The following HCK variants were observed in gnomAD, a reference collection of about 807,000 sequenced individuals.
HCK encodes tyrosine-protein kinase HCK.
HCK carries 40 observed loss-of-function variants against 70.4 expected under a neutral mutation model. The observed-to-expected ratio is 0.57, with a 90% CI of 0.44 to 0.74. The LOEUF (loss-of-function observed/expected upper bound fraction) is 0.74. HCK is among the 30% of genes least tolerant of loss of function. The probability of loss-of-function intolerance (pLI) is 0.00; values close to 1 mark genes in which losing one functional copy is unlikely to be tolerated. For missense variants in HCK, 568 were observed against 697.2 expected, an observed-to-expected ratio of 0.81 and a Z score of 2.09; for synonymous variants, 245 against 263.2, an observed-to-expected ratio of 0.93 and a Z score of 0.67.
chr20:32,059,581 T>C (rs2045336330), intron 1 of HCK, among the ~76,000 whole-genome samples: 1 of 151,922 alleles, frequency 6.6e-6, no homozygotes, highest in Non-Finnish European at 1.5e-5. Context: ...AGTGATGCTA[T>C]CATGGCTCAT....
At chr20:32,096,262 G>A (rs1439169573) in intron 11 of HCK, among the ~76,000 whole-genome samples, 1 of 150,730 alleles carries the variant, frequency 6.6e-6, no homozygotes, top group Non-Finnish European at 1.5e-5. Flanking sequence ...ACTTTGGGAG[G>A]CCAAGGCAGG....
intron 1 of HCK, among the ~76,000 whole-genome samples, chr20:32,053,992 T>C (rs540414527): frequency 6.7e-5 from 10 of 149,668 alleles, no homozygotes; most frequent in South Asian, 4.2e-4. Context: ...TTTCTCTTTA[T>C]GGTCCTTTTT....
intron 10 of HCK, among the ~76,000 whole-genome samples, chr20:32,092,984 G>A (rs1027362433): frequency 2.0e-5 from 3 of 151,776 alleles, no homozygotes; most frequent in Admixed American, 6.6e-5. Flanking sequence ...TTGCTCTGTC[G>A]CCCAGGCTGG....
chr20:32,054,023 A>T (rs1057003824), intron 1 of HCK, among the ~76,000 whole-genome samples: 3 of 151,998 alleles, frequency 2.0e-5, no homozygotes, highest in African/African-American at 7.3e-5. Context: ...AGGGGGTGAC[A>T]GGTTAAAATA....
chr20:32,086,588 T>A (rs751423614), intron 8 of HCK, 40 bp from the exon 9 acceptor site: 2 of 1,542,636 alleles, frequency 1.3e-6, no homozygotes, highest in South Asian at 2.4e-5. Flanking sequence ...GGGAGACCAG[T>A]GGGCTCTGAC....
At chr20:32,089,455 G>C (rs890083183) in intron 10 of HCK, among the ~76,000 whole-genome samples, 2 of 152,226 alleles carry the variant, frequency 1.3e-5, no homozygotes, top group Admixed American at 6.5e-5. Flanking sequence ...AAATGAAAAT[G>C]TTCCTGTCCT....
intron 1 of HCK, among the ~76,000 whole-genome samples, chr20:32,054,571 C>T (rs555312302): frequency 1.2e-3 from 159 of 134,508 alleles, no homozygotes; most frequent in Non-Finnish European, 1.9e-3. Flanking sequence ...CTTTGGGAGG[C>T]TGAGCCGGGC....
chr20:32,069,671 T>C, intron 1 of HCK: 1 of 605,704 alleles, frequency 1.7e-6, no homozygotes, highest in Non-Finnish European at 2.7e-6. Flanking sequence ...ATGTGTTCCT[T>C]ATTTTATTTC....
rs1466331822 is a variant in HCK at position 32,086,637 on chromosome 20, A to G, written c.845A>G (p.Asn282Ser). 6.2e-7 allele frequency: 1 copy of G among 1,610,284 alleles called. No homozygotes were observed. The highest frequency in any genetic ancestry group is 1.7e-5 in the Admixed American group (1 of 59,652). Residue 282 changes from asparagine to serine, a missense_variant, in exon 9 of 13, where the codon AAC becomes AGC. Transcript: ENST00000375852. Reference sequence around the variant, plus strand: ...CTCTATCCCCCTCCAGCCACCTACAACAAGCACACCAAGGTGGCAGTGAAG... The same window carrying G: ...CTCTATCCCCCTCCAGCCACCTACAGCAAGCACACCAAGGTGGCAGTGAAG...
Position 32,088,104 on chromosome 20 carries a change from C to T in HCK, c.1016-464C>T, listed in dbSNP as rs561306530. Among the ~76,000 whole-genome samples, 8 of 152,164 alleles carry T rather than the reference C, an allele frequency of 5.3e-5. No individual in the cohort carries two copies. In the South Asian group the frequency reaches 1.2e-3, roughly 24 times the overall value. ...AATTTCTTCTATAGATGGGGTCTTG[C>T]GATGTTGCCCAGGCTGGTCTCAAAC... On this transcript the variant is annotated intron_variant, in intron 9 of 12. Transcript: ENST00000375852.
chr20:32,085,983 G>A (rs2045779738), intron 8 of HCK, among the ~76,000 whole-genome samples: 1 of 152,116 alleles, frequency 6.6e-6, no homozygotes, highest in Admixed American at 6.6e-5. Flanking sequence ...CATAACCTGA[G>A]TAGTGTTTTA....
Position 32,099,350 on chromosome 20 carries a change from C to CTTTTTTTTTTTTTTTTT in HCK, c.1378+224_1378+240dup, listed in dbSNP as rs71336559. ...CCTTCCTTCTCTCTCACTCCTATGA[C>CTTTTTTTTTTTTTTTTT]TTTTTTTTTTTTTTTTTTTTTTTTT... On this transcript the variant is annotated intron_variant, in intron 12 of 12. Coordinates refer to ENST00000375852, the MANE Select transcript of HCK (RefSeq NM_002110.5). Among the ~76,000 whole-genome samples the CTTTTTTTTTTTTTTTTT allele has an allele frequency of 2.6e-4, 22 of 85,172 alleles. 2 individuals are homozygous for CTTTTTTTTTTTTTTTTT. The highest frequency in any genetic ancestry group is 1.4e-3 in the African/African-American group (21 of 15,518). The allele number at this position is 85,172 out of a possible 152,430, so 55.9% of individuals were successfully genotyped here. A position where few individuals can be genotyped will look rare whatever the true frequency, so the allele number is the denominator to read the frequency against.
chr20:32,069,499 A>G (rs1005428700), intron 1 of HCK, among the ~76,000 whole-genome samples: 1 of 152,232 alleles, frequency 6.6e-6, no homozygotes. Context: ...TTTATGTCAT[A>G]TATGTCACAC....
At chr20:32,072,462 C>T (rs1411574237) in intron 2 of HCK, 1 of 148,120 alleles carries the variant, frequency 6.8e-6, no homozygotes, top group Non-Finnish European at 1.5e-5. Flanking sequence ...TTTTGGGAGG[C>T]TGAGGCAGGA....
chr20:32,053,509 A>T (rs1006030214), intron 1 of HCK, among the ~76,000 whole-genome samples: 2 of 151,780 alleles, frequency 1.3e-5, no homozygotes, highest in Non-Finnish European at 2.9e-5. Context: ...GTAGTAGCAC[A>T]CACCTTTAAT....
At chr20:32,056,112 A>G (rs1421185757) in intron 1 of HCK, among the ~76,000 whole-genome samples, 1 of 152,242 alleles carries the variant, frequency 6.6e-6, no homozygotes, top group Non-Finnish European at 1.5e-5. Context: ...TGACCATTGA[A>G]AATAATACTG....
At chr20:32,071,958 A>C in intron 2 of HCK, 176 bp downstream of exon 2, 1 of 720,446 alleles carries the variant, frequency 1.4e-6, no homozygotes, top group Non-Finnish European at 2.2e-6. Flanking sequence ...GCCAGCATGC[A>C]TAGGGGCAAA....
intron 1 of HCK, among the ~76,000 whole-genome samples, chr20:32,071,279 A>C (rs1407527808): frequency 6.6e-6 from 1 of 152,104 alleles, no homozygotes; most frequent in African/African-American, 2.4e-5. Context: ...GGTGGGGTGG[A>C]GGGGCCAAGG....
At chr20:32,074,250 A>T (rs1002965984) in intron 4 of HCK, among the ~76,000 whole-genome samples, 1 of 151,536 alleles carries the variant, frequency 6.6e-6, no homozygotes, top group Non-Finnish European at 1.5e-5. Context: ...GCCTGGTCGG[A>T]CTCCCAAGCC....
Sources: gnomAD v4.1 joint callset for allele counts (sites outside exome capture counted in the v4.1 genomes callset) on GRCh38, gnomAD v4.1.1 for gene constraint, MANE v1.5 for transcripts, NCBI Gene and HGNC (gene_info 2026-07-23, HGNC 2026-07-21) for gene names.